ZNF536: variants seen among roughly 807,000 people sequenced by gnomAD.
ZNF536 encodes zinc finger protein 536.
ZNF536 carries 13 observed loss-of-function variants against 84.5 expected under a neutral mutation model. The ratio of observed to expected loss-of-function variants is 0.15; its 90% CI spans 0.10 to 0.24. The LOEUF (loss-of-function observed/expected upper bound fraction) is 0.24, where lower values mean the gene tolerates loss of function less well. ZNF536 is among the 10% of genes least tolerant of loss of function. The probability of loss-of-function intolerance (pLI) is 1.00; values close to 1 mark genes in which losing one functional copy is unlikely to be tolerated. For synonymous variants in ZNF536, 811 were observed against 742.5 expected (o/e 1.09, Z -1.50); for missense variants, 1,536 against 1,747.5 (o/e 0.88, Z 2.16).
intron 1 of ZNF536, among the ~76,000 whole-genome samples, chr19:30,232,603 C>T (rs746832234): frequency 6.6e-6 from 1 of 152,202 alleles, no homozygotes; most frequent in Admixed American, 6.5e-5. Context: ...CACTGTAGAT[C>T]TCTGGTCTTT....
intron 1 of ZNF536, among the ~76,000 whole-genome samples, chr19:30,578,913 G>A (rs755314553): frequency 3.3e-5 from 5 of 152,190 alleles, no homozygotes; most frequent in Non-Finnish European, 5.9e-5. Flanking sequence ...TTTGGCATCC[G>A]CTGGAATTGA....
At chr19:30,296,745 G>A (rs770162715) in intron 2 of ZNF536, among the ~76,000 whole-genome samples, 6 of 152,332 alleles carry the variant, frequency 3.9e-5, no homozygotes, top group African/African-American at 1.4e-4. Flanking sequence ...GCTTGGGGCA[G>A]AGGCTGCGAG....
chr19:30,310,170 C>A (rs1401320123), intron 2 of ZNF536, among the ~76,000 whole-genome samples: 1 of 152,152 alleles, frequency 6.6e-6, no homozygotes, highest in Non-Finnish European at 1.5e-5. Flanking sequence ...ATTTTTGGAG[C>A]AAAGACTGTG....
chr19:30,267,369 G>C (rs559514357), intron 1 of ZNF536, among the ~76,000 whole-genome samples: 1 of 152,220 alleles, frequency 6.6e-6, no homozygotes, highest in Non-Finnish European at 1.5e-5. Flanking sequence ...TAAAAGTCCT[G>C]TTTTATAATA....
At chr19:30,524,312 G>C (rs2044486703) in intron 2 of ZNF536, among the ~76,000 whole-genome samples, 1 of 152,138 alleles carries the variant, frequency 6.6e-6, no homozygotes, top group Non-Finnish European at 1.5e-5. Flanking sequence ...GCAATAAACT[G>C]TCAATATTTG....
At chr19:30,507,152 A>G (rs2055208486) in intron 2 of ZNF536, among the ~76,000 whole-genome samples, 1 of 152,304 alleles carries the variant, frequency 6.6e-6, no homozygotes, top group South Asian at 2.1e-4. Flanking sequence ...ACCTGATGTC[A>G]GGAGTTTGAG....
At chr19:30,457,224 G>A (rs1202150218) in intron 2 of ZNF536, among the ~76,000 whole-genome samples, 1 of 152,176 alleles carries the variant, frequency 6.6e-6, no homozygotes, top group Non-Finnish European at 1.5e-5. Context: ...AAAGGGCAAG[G>A]AACCACTTCA....
chr19:30,366,402 C>A (rs373073059), intron 3 of ZNF536, among the ~76,000 whole-genome samples: 10 of 125,210 alleles, frequency 8.0e-5, no homozygotes, highest in East Asian at 2.7e-4. Context: ...CTATCTATAT[C>A]TATCTCCTTC....
chr19:30,235,717 C>T (rs1239612851), intron 1 of ZNF536, among the ~76,000 whole-genome samples: 1 of 152,166 alleles, frequency 6.6e-6, no homozygotes, highest in Non-Finnish European at 1.5e-5. Context: ...CTATTTAAAT[C>T]AAATCAGGCA....
chr19:30,569,466 G>A (rs532413686), intron 1 of ZNF536, among the ~76,000 whole-genome samples: 3 of 149,470 alleles, frequency 2.0e-5, no homozygotes, highest in African/African-American at 7.4e-5. Flanking sequence ...TGGGGGCTAT[G>A]ATGGGACCTA....
intron 2 of ZNF536, among the ~76,000 whole-genome samples, chr19:30,524,143 T>C (rs928716108): frequency 2.0e-5 from 3 of 152,116 alleles, no homozygotes; most frequent in African/African-American, 7.2e-5. Context: ...TTTAAAATGG[T>C]GTGTGTGTCT....
At chr19:30,673,064 C>T (rs2050617799) in intron 1 of ZNF536, among the ~76,000 whole-genome samples, 1 of 152,176 alleles carries the variant, frequency 6.6e-6, no homozygotes, top group African/African-American at 2.4e-5. Flanking sequence ...GTGGAAACAG[C>T]CTGCAGGAGA....
chr19:30,226,046 C>T (rs1259633465), upstream of ZNF536, among the ~76,000 whole-genome samples: 6 of 151,882 alleles, frequency 4.0e-5, no homozygotes, highest in African/African-American at 9.7e-5. The surrounding 1 kb of genome is among the most constrained non-coding windows in gnomAD (Gnocchi z 4.6). Context: ...CCTGGGCCGC[C>T]GCCTCCCCGC....
At chr19:30,535,221 T>A (rs1038634507) in intron 3 of ZNF536, among the ~76,000 whole-genome samples, 2 of 152,342 alleles carry the variant, frequency 1.3e-5, no homozygotes, top group African/African-American at 4.8e-5. Flanking sequence ...CTCGTAAATG[T>A]AGACTTGGAT....
chr19:30,338,035 C>T (rs2146498816), intron 2 of ZNF536, among the ~76,000 whole-genome samples: 1 of 142,664 alleles, frequency 7.0e-6, no homozygotes, highest in Non-Finnish European at 1.5e-5. Flanking sequence ...ATTATGATGA[C>T]AGTGGTGATG....
At chr19:30,468,097 C>A (rs369988038) in intron 2 of ZNF536, among the ~76,000 whole-genome samples, 1 of 152,244 alleles carries the variant, frequency 6.6e-6, no homozygotes, top group Non-Finnish European at 1.5e-5. Context: ...AGATACGCTG[C>A]GTGGTTTCTG....
intron 2 of ZNF536, among the ~76,000 whole-genome samples, chr19:30,317,670 A>G (rs2046725521): frequency 6.6e-6 from 1 of 152,072 alleles, no homozygotes; most frequent in Admixed American, 6.5e-5. Context: ...TTCCTTCTGG[A>G]GGGGGAGATG....
intron 1 of ZNF536, among the ~76,000 whole-genome samples, chr19:30,564,063 T>G (rs569783492): frequency 6.7e-6 from 1 of 150,262 alleles, no homozygotes. Context: ...CAAGAGGGGG[T>G]GAATGGCTGA....
intron 1 of ZNF536, among the ~76,000 whole-genome samples, chr19:30,606,698 C>G (rs934265762): frequency 6.6e-6 from 1 of 152,034 alleles, no homozygotes. Flanking sequence ...GAGTTGACTC[C>G]CAGGCACAAA....
Sources: gnomAD v4.1 joint callset for allele counts (sites outside exome capture counted in the v4.1 genomes callset) on GRCh38, gnomAD v4.1.1 for gene constraint, Gnocchi (gnomAD v3.1) non-coding constraint, MANE v1.5 for transcripts, NCBI Gene and HGNC (gene_info 2026-07-23, HGNC 2026-07-21) for gene names.